The following SMIM3 variants were observed in gnomAD, a reference collection of about 807,000 sequenced individuals.
SMIM3 encodes the protein NGF-induced differentiation clone 67 protein.
A neutral mutation model predicts 2.1 loss-of-function variants in SMIM3; 4 were observed. The ratio of observed to expected loss-of-function variants is 1.89; its 90% CI spans 0.93 to 4.31. The LOEUF (loss-of-function observed/expected upper bound fraction) is 4.31, where lower values mean the gene tolerates loss of function less well. SMIM3 is among the 30% of genes most tolerant of loss of function. The probability of loss-of-function intolerance (pLI) is 0.01; values close to 1 mark genes in which losing one functional copy is unlikely to be tolerated. For synonymous variants in SMIM3, 29 were observed against 30.8 expected (o/e 0.94, Z 0.19); for missense variants, 79 against 77.7 (o/e 1.02, Z -0.06).
At chr5:150,779,705 G>A (rs1409136094) in intron 1 of SMIM3, among the ~76,000 whole-genome samples, 1 of 152,090 alleles carries the variant, frequency 6.6e-6, no homozygotes, top group African/African-American at 2.4e-5. Context: ...CCCCATGCCA[G>A]TTTCTTGAGG....
At position 150,793,034 on chromosome 5, in the gene SMIM3, A is replaced by AT. The variant is rs146188496; in HGVS notation, c.-11-2385dup. On this transcript the variant is annotated intron_variant, in intron 1 of 1. Transcript: ENST00000526627. ...AAACTGTTTTTTTCAATTTGCGTGTATTTTTTTTTTTCAAACAGCTACTAA... is the reference window on the plus strand; with the variant it reads ...AAACTGTTTTTTTCAATTTGCGTGTATTTTTTTTTTTTCAAACAGCTACTAA... Among the ~76,000 whole-genome samples the AT allele has an allele frequency of 8.3e-3, 1,230 of 148,698 alleles. 14 individuals are homozygous for AT. The highest frequency in any genetic ancestry group is 0.027 in the African/African-American group (1,084 of 40,718).
At chr5:150,779,311 G>T (rs1753207738) in intron 1 of SMIM3, among the ~76,000 whole-genome samples, 1 of 152,086 alleles carries the variant, frequency 6.6e-6, no homozygotes, top group South Asian at 2.1e-4. Flanking sequence ...CTCCTCCTCG[G>T]GCAGACTGCC....
At chr5:150,780,554 C>G (rs1753221012) in intron 1 of SMIM3, among the ~76,000 whole-genome samples, 1 of 152,124 alleles carries the variant, frequency 6.6e-6, no homozygotes, top group Admixed American at 6.5e-5. Context: ...CACTAAAGAT[C>G]TGGGGAGTCC....
At chr5:150,779,734 T>A (rs548570575) in intron 1 of SMIM3, among the ~76,000 whole-genome samples, 1 of 152,200 alleles carries the variant, frequency 6.6e-6, no homozygotes, top group East Asian at 1.9e-4. Context: ...TGCCTGTCTA[T>A]CGTCATCTCT....
At chr5:150,790,635 C>T (rs907225118) in intron 1 of SMIM3, among the ~76,000 whole-genome samples, 1 of 152,166 alleles carries the variant, frequency 6.6e-6, no homozygotes, top group African/African-American at 2.4e-5. Flanking sequence ...TGCAGAGCAC[C>T]TGGGAATCAA....
intron 1 of SMIM3, 79 bp from the exon 2 acceptor site, chr5:150,795,351 G>T: frequency 6.8e-7 from 1 of 1,471,246 alleles, no homozygotes; most frequent in South Asian, 1.1e-5. Context: ...CCAGGCTTCT[G>T]ACTCCTGAGG....
At chr5:150,793,965 A>AAG (rs1753375944) in intron 1 of SMIM3, among the ~76,000 whole-genome samples, 2 of 152,266 alleles carry the variant, frequency 1.3e-5, no homozygotes, top group South Asian at 4.1e-4. Context: ...AACTCAAACA[A>AAG]ATCAGTAAGA....
intron 1 of SMIM3, among the ~76,000 whole-genome samples, chr5:150,786,773 T>C (rs1456205117): frequency 1.3e-5 from 2 of 152,188 alleles, no homozygotes; most frequent in African/African-American, 4.8e-5. Context: ...GTCTGTTGTT[T>C]CTGATTATTT....
chr5:150,789,553 C>G (rs557614523), intron 1 of SMIM3, among the ~76,000 whole-genome samples: 65 of 152,100 alleles, frequency 4.3e-4, no homozygotes, highest in Non-Finnish European at 8.7e-4. Context: ...TGGAAGGGCC[C>G]TTGGAGAACA....
At chr5:150,792,316 A>G (rs1057316966) in intron 1 of SMIM3, among the ~76,000 whole-genome samples, 1 of 152,220 alleles carries the variant, frequency 6.6e-6, no homozygotes, top group African/African-American at 2.4e-5. Context: ...GGAATGTATT[A>G]TATCGATGGT....
At chr5:150,779,848 C>A (rs1054236363) in intron 1 of SMIM3, among the ~76,000 whole-genome samples, 2 of 139,212 alleles carry the variant, frequency 1.4e-5, no homozygotes, top group Admixed American at 7.3e-5. Context: ...GCCCCCCCCA[C>A]AAATTGAAAC....
intron 1 of SMIM3, among the ~76,000 whole-genome samples, chr5:150,788,633 CA>C (rs765111003): frequency 3.3e-3 from 262 of 79,986 alleles, no homozygotes; most frequent in East Asian, 0.026. Context: ...GACTGTGTCT[CA>C]AAAAAAAAAA....
chr5:150,780,245 A>G (rs926282109), intron 1 of SMIM3, among the ~76,000 whole-genome samples: 1 of 152,104 alleles, frequency 6.6e-6, no homozygotes, highest in Non-Finnish European at 1.5e-5. Context: ...TATCTGTAAA[A>G]TGAAGACATG....
chr5:150,791,169 C>T (rs1753345463), intron 1 of SMIM3, among the ~76,000 whole-genome samples: 1 of 152,132 alleles, frequency 6.6e-6, no homozygotes, highest in Non-Finnish European at 1.5e-5. Context: ...AGTAATTTTC[C>T]TGTATATATC....
At chr5:150,782,852 A>G (rs751232994) in intron 1 of SMIM3, among the ~76,000 whole-genome samples, 6 of 152,144 alleles carry the variant, frequency 3.9e-5, no homozygotes, top group Non-Finnish European at 8.8e-5. Flanking sequence ...GGCACTTGTG[A>G]TATGCCAGGC....
intron 1 of SMIM3, among the ~76,000 whole-genome samples, chr5:150,785,191 G>A (rs1240196144): frequency 2.0e-5 from 3 of 148,212 alleles, no homozygotes; most frequent in Non-Finnish European, 3.0e-5. Context: ...AGGTTCAAGC[G>A]ATTCTCTTGC....
chr5:150,796,032 G>T lies in SMIM3; in HGVS notation c.*409G>T. 5.4e-6 allele frequency: 1 copy of T among 185,134 alleles called. No individual in the cohort carries two copies. The highest frequency in any genetic ancestry group is 1.1e-5 in the Non-Finnish European group (1 of 87,394). The allele number at this position is 185,134 out of a possible 1,614,324, so 11.5% of individuals were successfully genotyped here. A position where few individuals can be genotyped will look rare whatever the true frequency, so the allele number is the denominator to read the frequency against. On this transcript the variant is annotated 3_prime_UTR_variant, in exon 2 of 2. Coordinates refer to ENST00000526627, the MANE Select transcript of SMIM3 (RefSeq NM_032947.5). The stretch of plus-strand genomic sequence containing the variant: ...TGGGGGCAGAGCAGACTTTGCCAGT[G>T]CCCCTCAGGTCAAACCAAGCCAAGA...
At chr5:150,784,792 C>T (rs1194236760) in intron 1 of SMIM3, among the ~76,000 whole-genome samples, 1 of 151,936 alleles carries the variant, frequency 6.6e-6, no homozygotes, top group Admixed American at 6.6e-5. Context: ...TTAAATCTAC[C>T]ATCTTTCTCT....
rs1330014544 is a variant in SMIM3, at chr5:150,778,901, G to C, written c.-83G>C. On this transcript the variant is annotated 5_prime_UTR_variant, in exon 1 of 2. Coordinates refer to ENST00000526627, the MANE Select transcript of SMIM3 (RefSeq NM_032947.5). ...GCTTCCAGCTGCCAGATCCCGTGCA[G>C]TCCTGGGGACCCTGAGAAGCACCGA... 2.0e-6 allele frequency: 1 copy of C among 507,656 alleles called. No homozygotes were observed. Among genetic ancestry groups the C allele is most frequent in the Admixed American group, 2.1e-5 (1 of 48,112 alleles). The allele number at this position is 507,656 out of a possible 1,614,324, so 31.4% of individuals were successfully genotyped here. A position where few individuals can be genotyped will look rare whatever the true frequency, so the allele number is the denominator to read the frequency against.
Sources: gnomAD v4.1 joint callset for allele counts (sites outside exome capture counted in the v4.1 genomes callset) on GRCh38, gnomAD v4.1.1 for gene constraint, MANE v1.5 for transcripts, NCBI Gene and HGNC (gene_info 2026-07-23, HGNC 2026-07-21) for gene names.